The following ZNF804B variants were observed in gnomAD, a reference collection of about 807,000 sequenced individuals.
ZNF804B encodes zinc finger 804B.
A neutral mutation model predicts 101.4 loss-of-function variants in ZNF804B; 80 were observed. The observed-to-expected ratio is 0.79, with a 90% CI of 0.66 to 0.95. The LOEUF (loss-of-function observed/expected upper bound fraction) is 0.95. Among genes scored for constraint, ZNF804B ranks in the 40% least tolerant of loss-of-function variants. The pLI is 0.00. For missense variants in ZNF804B, 1,673 were observed against 1,561.9 expected, an observed-to-expected ratio of 1.07 and a Z score of -1.20; for synonymous variants, 622 against 558.8, an observed-to-expected ratio of 1.11 and a Z score of -1.59.
At chr7:88,959,274 A>G (rs879625129) in intron 1 of ZNF804B, among the ~76,000 whole-genome samples, 2 of 151,424 alleles carry the variant, frequency 1.3e-5, no homozygotes, top group Non-Finnish European at 3.0e-5. Context: ...GGACTATTCA[A>G]GTGTGTTATG....
intron 3 of ZNF804B, among the ~76,000 whole-genome samples, chr7:89,331,454 T>A (rs1376394828): frequency 1.3e-5 from 2 of 151,742 alleles, no homozygotes; most frequent in African/African-American, 2.4e-5. Context: ...AAAAATTTAC[T>A]CAATAAAAGG....
chr7:88,767,113 C>T (rs1789995887), intron 1 of ZNF804B, among the ~76,000 whole-genome samples: 2 of 152,032 alleles, frequency 1.3e-5, no homozygotes, highest in South Asian at 2.1e-4. Flanking sequence ...TTTTTTGGTT[C>T]ACACATAAAT....
intron 1 of ZNF804B, among the ~76,000 whole-genome samples, chr7:89,148,985 C>T (rs555896076): frequency 6.6e-6 from 1 of 152,182 alleles, no homozygotes; most frequent in Admixed American, 6.6e-5. Context: ...TATTGGGAAA[C>T]TCCCTGAGTT....
In ZNF804B at chr7:89,199,316, A is replaced by T. The variant is rs562718220; in HGVS notation, c.109-18839A>T. On this transcript the variant is annotated intron_variant, in intron 1 of 3. Coordinates refer to ENST00000333190, the MANE Select transcript of ZNF804B (RefSeq NM_181646.5). ...AAACTCCTGCAAGACTCCATTCCCA[A>T]ACCAGACTCTTCTACTCTAACCTGC... 7.2e-5 allele frequency among the ~76,000 whole-genome samples: 11 copies of T among 151,946 alleles called. 1 individual carries two copies. The South Asian group carries it at 2.1e-3, about 29-fold the overall frequency.
chr7:88,794,989 C>A, intron 1 of ZNF804B: 1 of 1,483,362 alleles, frequency 6.7e-7, no homozygotes, highest in South Asian at 1.4e-5. Flanking sequence ...TTTAGCTTAT[C>A]ATAATATTTA....
intron 2 of ZNF804B, among the ~76,000 whole-genome samples, chr7:89,243,525 CATT>C (rs1387770897): frequency 6.6e-6 from 1 of 151,766 alleles, no homozygotes; most frequent in East Asian, 1.9e-4. Flanking sequence ...CAAAAATAAT[CATT>C]ATTCATCTGA....
intron 1 of ZNF804B, among the ~76,000 whole-genome samples, chr7:89,089,393 A>G (rs939361958): frequency 2.6e-5 from 4 of 152,028 alleles, no homozygotes; most frequent in Non-Finnish European, 5.9e-5. Flanking sequence ...ATAGGTATAT[A>G]TAGAATCACA....
intron 1 of ZNF804B, among the ~76,000 whole-genome samples, chr7:88,944,381 T>C (rs1302489136): frequency 3.3e-5 from 5 of 151,838 alleles, no homozygotes; most frequent in African/African-American, 9.7e-5. Context: ...TTTGTTTCAC[T>C]TTTGTATTTT....
intron 2 of ZNF804B, among the ~76,000 whole-genome samples, chr7:89,326,856 T>G (rs1322649348): frequency 6.6e-6 from 1 of 151,994 alleles, no homozygotes; most frequent in Non-Finnish European, 1.5e-5. Flanking sequence ...AAAAATGAAT[T>G]CAAAATCACA....
chr7:89,221,122 A>G (rs1294571091), intron 2 of ZNF804B, among the ~76,000 whole-genome samples: 1 of 151,994 alleles, frequency 6.6e-6, no homozygotes, highest in Non-Finnish European at 1.5e-5. Context: ...TCCATTTATC[A>G]TTAAGTTTCC....
intron 1 of ZNF804B, among the ~76,000 whole-genome samples, chr7:88,939,727 C>T (rs188947591): frequency 4.1e-4 from 61 of 150,206 alleles, no homozygotes; most frequent in African/African-American, 1.1e-3. Context: ...AATAGGAAAA[C>T]GATAATCCAA....
At chr7:89,309,049 C>A (rs1368665693) in intron 2 of ZNF804B, among the ~76,000 whole-genome samples, 1 of 152,004 alleles carries the variant, frequency 6.6e-6, no homozygotes, top group Non-Finnish European at 1.5e-5. Flanking sequence ...AAGTATATTG[C>A]CTGATACTGA....
chr7:89,134,811 C>A (rs1790605178), intron 1 of ZNF804B, among the ~76,000 whole-genome samples: 1 of 146,760 alleles, frequency 6.8e-6, no homozygotes, highest in African/African-American at 2.4e-5. Flanking sequence ...TATGTATAAC[C>A]AAACATCCTG....
intron 1 of ZNF804B, among the ~76,000 whole-genome samples, chr7:88,897,421 C>T (rs1237300228): frequency 6.6e-6 from 1 of 152,130 alleles, no homozygotes; most frequent in Non-Finnish European, 1.5e-5. Context: ...GACAAGGTAA[C>T]AAATTCTCTC....
At chr7:89,293,012 T>A (rs1257390979) in intron 2 of ZNF804B, among the ~76,000 whole-genome samples, 1 of 152,158 alleles carries the variant, frequency 6.6e-6, no homozygotes, top group South Asian at 2.1e-4. Flanking sequence ...GCATGAGTCC[T>A]GTGATTATAT....
At chr7:88,934,154 T>C (rs1350200219) in intron 1 of ZNF804B, among the ~76,000 whole-genome samples, 1 of 151,682 alleles carries the variant, frequency 6.6e-6, no homozygotes, top group Non-Finnish European at 1.5e-5. Flanking sequence ...TACAAAAACA[T>C]AAATTGGGGA....
chr7:88,793,303 T>C (rs1360379442), intron 1 of ZNF804B, among the ~76,000 whole-genome samples: 2 of 152,078 alleles, frequency 1.3e-5, no homozygotes, highest in Non-Finnish European at 2.9e-5. Flanking sequence ...GAAAGTGAAT[T>C]GAGAAAATAA....
intron 1 of ZNF804B, among the ~76,000 whole-genome samples, chr7:88,990,621 A>G (rs1450584503): frequency 6.6e-6 from 1 of 152,142 alleles, no homozygotes; most frequent in Non-Finnish European, 1.5e-5. Flanking sequence ...TATTACAGCT[A>G]AGGAAATTTA....
At chr7:89,121,696 T>C (rs1434300410) in intron 1 of ZNF804B, among the ~76,000 whole-genome samples, 2 of 152,226 alleles carry the variant, frequency 1.3e-5, no homozygotes, top group Non-Finnish European at 2.9e-5. Flanking sequence ...ATAAAGAATC[T>C]AAAGATTTAC....
Sources: gnomAD v4.1 joint callset for allele counts (sites outside exome capture counted in the v4.1 genomes callset) on GRCh38, gnomAD v4.1.1 for gene constraint, MANE v1.5 for transcripts, NCBI Gene and HGNC (gene_info 2026-07-23, HGNC 2026-07-21) for gene names.